MAML3: variants seen among roughly 807,000 people sequenced by gnomAD.
MAML3 encodes mastermind like transcriptional coactivator 3, also known as mastermind-like protein 3.
MAML3 carries 27 observed loss-of-function variants against 101.9 expected under a neutral mutation model. The ratio of observed to expected loss-of-function variants is 0.27; its 90% CI spans 0.20 to 0.37. The LOEUF is 0.37. Ranked by LOEUF, MAML3 falls within the 10% of genes least tolerant of loss-of-function variation. The pLI is 1.00. For synonymous variants in MAML3, 501 were observed against 555.9 expected (o/e 0.90, Z 1.39); for missense variants, 1,316 against 1,444.9 (o/e 0.91, Z 1.45).
chr4:139,758,296 C>T (rs928118968), intron 2 of MAML3, among the ~76,000 whole-genome samples: 1 of 152,174 alleles, frequency 6.6e-6, no homozygotes, highest in Non-Finnish European at 1.5e-5. Context: ...GGAAGGTATG[C>T]CTTCCTACTC....
intron 1 of MAML3, among the ~76,000 whole-genome samples, chr4:139,909,815 C>A (rs986244413): frequency 1.6e-5 from 2 of 125,712 alleles, no homozygotes; most frequent in East Asian, 4.3e-4. Context: ...CCAGCCTGGG[C>A]CACAGAGTGC....
In MAML3 at chr4:140,153,374, C is replaced by G. The variant is rs749930350; in HGVS notation, c.-47G>C. 2.2e-5 allele frequency: 33 copies of G among 1,508,614 alleles called. No individual in the cohort carries two copies. In the South Asian group the frequency reaches 4.3e-4, roughly 20 times the overall value. 93.5% of individuals were successfully genotyped at this position (1,508,614 alleles called of 1,614,324 possible). On this transcript the variant is annotated 5_prime_UTR_variant, in exon 1 of 5. Coordinates refer to ENST00000509479, the MANE Select transcript of MAML3 (RefSeq NM_018717.5). ...TTTGGAAGAACTTTTTTTATCCACC[C>G]CCCTATCAGCCTCCTCCTTGGGTCC...
intron 1 of MAML3, among the ~76,000 whole-genome samples, chr4:140,008,046 C>T (rs977036085): frequency 3.3e-5 from 5 of 152,184 alleles, no homozygotes; most frequent in African/African-American, 1.2e-4. Flanking sequence ...CTAGGCTAGT[C>T]CCAGAGTTAG....
At chr4:140,040,314 C>T (rs1373296579) in intron 1 of MAML3, among the ~76,000 whole-genome samples, 4 of 152,112 alleles carry the variant, frequency 2.6e-5, no homozygotes, top group Non-Finnish European at 4.4e-5. Context: ...AGAAATATAC[C>T]GTGAACTCCG....
At chr4:139,804,251 C>T (rs1002048930) in intron 2 of MAML3, among the ~76,000 whole-genome samples, 6 of 149,820 alleles carry the variant, frequency 4.0e-5, no homozygotes, top group Non-Finnish European at 5.9e-5. Flanking sequence ...CACACATACA[C>T]AAGTGATCTC....
At chr4:139,936,353 C>T (rs1033388659) in intron 1 of MAML3, among the ~76,000 whole-genome samples, 19 of 152,134 alleles carry the variant, frequency 1.2e-4, no homozygotes, top group South Asian at 4.1e-4. Context: ...GCAGTTAACA[C>T]AGGAGTGCAA....
chr4:139,914,320 G>A (rs1437627029), intron 1 of MAML3, among the ~76,000 whole-genome samples: 1 of 152,098 alleles, frequency 6.6e-6, no homozygotes, highest in African/African-American at 2.4e-5. Context: ...TATACACTAG[G>A]ACCTATGTAA....
chr4:139,903,447 C>A (rs1732764381), intron 1 of MAML3, among the ~76,000 whole-genome samples: 1 of 152,188 alleles, frequency 6.6e-6, no homozygotes, highest in Non-Finnish European at 1.5e-5. Flanking sequence ...CGGCTAATAA[C>A]CTTCTGGACG....
intron 2 of MAML3, among the ~76,000 whole-genome samples, chr4:139,746,788 C>G (rs1316088719): frequency 6.6e-6 from 1 of 152,186 alleles, no homozygotes; most frequent in Non-Finnish European, 1.5e-5. Flanking sequence ...AGTAATGTGT[C>G]AAACTATGAT....
intron 1 of MAML3, among the ~76,000 whole-genome samples, chr4:140,097,993 T>C (rs1346603059): frequency 6.6e-6 from 1 of 152,190 alleles, no homozygotes; most frequent in African/African-American, 2.4e-5. Context: ...AGCCTTCAAG[T>C]CCTCCACGTT....
intron 2 of MAML3, among the ~76,000 whole-genome samples, chr4:139,812,278 T>C (rs1730815307): frequency 6.6e-6 from 1 of 152,164 alleles, no homozygotes; most frequent in Non-Finnish European, 1.5e-5. Flanking sequence ...AGTCTAGGAA[T>C]TGGAGGCACT....
chr4:140,092,891 A>T (rs1728085949), intron 1 of MAML3, among the ~76,000 whole-genome samples: 1 of 152,204 alleles, frequency 6.6e-6, no homozygotes, highest in African/African-American at 2.4e-5. Context: ...AGCCCTAAGT[A>T]CCAAGTCAAT....
intron 1 of MAML3, among the ~76,000 whole-genome samples, chr4:139,944,412 G>A (rs1733667977): frequency 1.3e-5 from 2 of 151,828 alleles, no homozygotes; most frequent in African/African-American, 2.4e-5. Context: ...TCCCACCTAT[G>A]AGTGAGAATA....
rs776433158 is a variant in MAML3 at position 139,890,877 on chromosome 4, G to A, written c.559C>T (p.Pro187Ser). The A allele has an allele frequency of 3.7e-6, 6 of 1,613,756 alleles. No homozygotes were observed. Among genetic ancestry groups the A allele is most frequent in the Non-Finnish European group, 5.1e-6 (6 of 1,179,758 alleles). ...QNGACDGNFS[P>S]TSKRIRKDIS... Reference sequence around the variant, plus strand: ...TCCTTTCGAATTCGTTTGCTAGTCGGAGAAAAATTCCCATCACAAGCACCA... The same window carrying A: ...TCCTTTCGAATTCGTTTGCTAGTCGAAGAAAAATTCCCATCACAAGCACCA... The change falls in exon 2 of 5, where the codon CCG (proline) becomes TCG (serine). Residue 187 changes from proline (P) to serine (S), a missense_variant. Transcript: ENST00000509479. The surrounding 1 kb of genome is among the most constrained non-coding windows in gnomAD (Gnocchi z 4.1).
intron 1 of MAML3, among the ~76,000 whole-genome samples, chr4:140,104,783 C>A (rs1332736644): frequency 1.3e-5 from 2 of 151,872 alleles, no homozygotes; most frequent in Non-Finnish European, 2.9e-5. Context: ...TGAGTCACTG[C>A]ATCTGGCCAT....
chr4:139,840,885 G>A (rs919601278), intron 2 of MAML3, among the ~76,000 whole-genome samples: 9 of 152,156 alleles, frequency 5.9e-5, no homozygotes, highest in African/African-American at 2.2e-4. Context: ...ATAGTTTCAT[G>A]GACATAGAGT....
chr4:140,140,148 CCT>C (rs1431908043), intron 1 of MAML3, among the ~76,000 whole-genome samples: 1 of 151,924 alleles, frequency 6.6e-6, no homozygotes, highest in African/African-American at 2.4e-5. Flanking sequence ...ATGGTGAAAC[CCT>C]GTCTCTACTA....
chr4:139,903,571 G>T (rs562709506), intron 1 of MAML3, among the ~76,000 whole-genome samples: 1 of 152,172 alleles, frequency 6.6e-6, no homozygotes, highest in Non-Finnish European at 1.5e-5. Flanking sequence ...TTCATACGTT[G>T]AAGTCCTAAC....
intron 1 of MAML3, among the ~76,000 whole-genome samples, chr4:139,991,263 C>T (rs1734666617): frequency 6.6e-6 from 1 of 152,178 alleles, no homozygotes; most frequent in African/African-American, 2.4e-5. Context: ...CTACAACTAT[C>T]TGATCTTTGA....
Sources: gnomAD v4.1 joint callset for allele counts (sites outside exome capture counted in the v4.1 genomes callset) on GRCh38, gnomAD v4.1.1 for gene constraint, Gnocchi (gnomAD v3.1) non-coding constraint, MANE v1.5 for transcripts, NCBI Gene and HGNC (gene_info 2026-07-23, HGNC 2026-07-21) for gene names.